The following CACNA2D3 variants were observed in gnomAD, a reference collection of about 807,000 sequenced individuals.
CACNA2D3 encodes the protein calcium voltage-gated channel auxiliary subunit alpha2delta 3.
Under a neutral mutation model 160.6 loss-of-function variants are expected in CACNA2D3, and 60 were observed. That is an observed-to-expected ratio of 0.37 (90% CI 0.30 to 0.46). CACNA2D3 has a LOEUF of 0.46. Among genes scored for constraint, CACNA2D3 ranks in the 20% least tolerant of loss-of-function variants. The probability of loss-of-function intolerance (pLI) is 1.00; values close to 1 mark genes in which losing one functional copy is unlikely to be tolerated. For synonymous variants in CACNA2D3, 558 were observed against 492.9 expected, an observed-to-expected ratio of 1.13 and a Z score of -1.75; for missense variants, 1,205 against 1,365.0, an observed-to-expected ratio of 0.88 and a Z score of 1.85.
At chr3:54,725,923 C>A (rs1009286336) in intron 11 of CACNA2D3, among the ~76,000 whole-genome samples, 1 of 152,022 alleles carries the variant, frequency 6.6e-6, no homozygotes. Context: ...GGCAATCAGG[C>A]AAGGGAAAGA....
At chr3:54,685,548 T>C (rs562522669) in intron 11 of CACNA2D3, among the ~76,000 whole-genome samples, 1 of 152,358 alleles carries the variant, frequency 6.6e-6, no homozygotes, top group East Asian at 1.9e-4. Flanking sequence ...TTACAGTGAC[T>C]AAGAAACAGA....
At chr3:54,357,713 A>T (rs181937773) in intron 3 of CACNA2D3, among the ~76,000 whole-genome samples, 14 of 152,250 alleles carry the variant, frequency 9.2e-5, no homozygotes, top group Non-Finnish European at 1.8e-4. Flanking sequence ...GGTACTGCAG[A>T]CAATGGAATG....
At chr3:54,956,606 C>T (rs760661555) in intron 27 of CACNA2D3, among the ~76,000 whole-genome samples, 6 of 152,062 alleles carry the variant, frequency 3.9e-5, no homozygotes, top group Non-Finnish European at 8.8e-5. Context: ...TCATAAATTC[C>T]TGCTCATCCT....
intron 3 of CACNA2D3, among the ~76,000 whole-genome samples, chr3:54,347,198 A>G (rs1366637964): frequency 6.6e-6 from 1 of 152,114 alleles, no homozygotes. Flanking sequence ...AGATGTTGTT[A>G]TTACCCCTTC....
At chr3:54,458,681 T>G (rs1700442720) in intron 4 of CACNA2D3, among the ~76,000 whole-genome samples, 1 of 152,094 alleles carries the variant, frequency 6.6e-6, no homozygotes, top group African/African-American at 2.4e-5. Flanking sequence ...TGGAGGTTTC[T>G]GAGCTTCCTG....
chr3:54,524,409 T>C (rs1048131077), intron 5 of CACNA2D3, among the ~76,000 whole-genome samples: 1 of 152,162 alleles, frequency 6.6e-6, no homozygotes, highest in African/African-American at 2.4e-5. Context: ...AAGTTTGTTT[T>C]ATGGCTTATC....
At chr3:54,278,429 G>A (rs1371334042) in intron 2 of CACNA2D3, among the ~76,000 whole-genome samples, 1 of 152,184 alleles carries the variant, frequency 6.6e-6, no homozygotes, top group Non-Finnish European at 1.5e-5. Context: ...TCAGTGTGGT[G>A]ATTCCTCAAG....
At chr3:54,276,744 G>GT (rs1702750785) in intron 2 of CACNA2D3, among the ~76,000 whole-genome samples, 1 of 152,024 alleles carries the variant, frequency 6.6e-6, no homozygotes, top group South Asian at 2.1e-4. Context: ...TGGTAAAGAA[G>GT]TTTTTTTCTG....
intron 14 of CACNA2D3, among the ~76,000 whole-genome samples, chr3:54,832,021 ACAC>A (rs1168187736): frequency 3.0e-5 from 4 of 135,298 alleles, no homozygotes; most frequent in African/African-American, 1.3e-4. Context: ...TCACACACAC[ACAC>A]ACACACACAC....
At chr3:54,264,947 G>C (rs1483204741) in intron 2 of CACNA2D3, among the ~76,000 whole-genome samples, 1 of 152,146 alleles carries the variant, frequency 6.6e-6, no homozygotes, top group Non-Finnish European at 1.5e-5. Flanking sequence ...GTATTCCATG[G>C]TGTATATGTG....
intron 11 of CACNA2D3, among the ~76,000 whole-genome samples, chr3:54,651,318 C>T (rs1244888645): frequency 6.6e-6 from 1 of 151,294 alleles, no homozygotes; most frequent in Admixed American, 6.6e-5. Flanking sequence ...GGATGAGGCT[C>T]TCTAGATGTG....
In CACNA2D3 at chr3:54,937,442, T is replaced by C. The variant is rs1056160912; in HGVS notation, c.2450-31008T>C. On this transcript the variant is annotated intron_variant, in intron 27 of 37. Coordinates refer to ENST00000474759, the MANE Select transcript of CACNA2D3 (RefSeq NM_018398.3). ...TGCAACTGGCCCTGTGGAACCCACA[T>C]GTAGGAAAAGTCAACCTTCCAAGTA... 2.5e-4 allele frequency among the ~76,000 whole-genome samples: 38 copies of C among 152,202 alleles called. 2 individuals carry two copies.
intron 27 of CACNA2D3, among the ~76,000 whole-genome samples, chr3:54,900,376 A>AC (rs372486516): frequency 2.6e-5 from 4 of 151,950 alleles, no homozygotes; most frequent in Middle Eastern, 3.2e-3. Context: ...CCAAAATATT[A>AC]TATGACTGAG....
rs550525206 is a variant in CACNA2D3 at position 54,927,580 on chromosome 3, A to G, written c.2449+27712A>G. ...GCTTGCCTCTCTGAGATTGTAGCCA[A>G]TTTGTTCATTCTTTCTTTGGTTCCA... On this transcript the variant is annotated intron_variant, in intron 27 of 37. Transcript: ENST00000474759. Among the ~76,000 whole-genome samples, 4 of 152,268 alleles carry G rather than the reference A, an allele frequency of 2.6e-5. No homozygotes were observed. In the East Asian group the frequency reaches 7.7e-4, roughly 29 times the overall value.
At chr3:54,227,278 G>C (rs1701691212) in intron 2 of CACNA2D3, among the ~76,000 whole-genome samples, 1 of 152,136 alleles carries the variant, frequency 6.6e-6, no homozygotes, top group South Asian at 2.1e-4. Flanking sequence ...CCAGCACCGG[G>C]ATTTTGCTAT....
At chr3:54,721,466 G>A (rs1701167707) in intron 11 of CACNA2D3, among the ~76,000 whole-genome samples, 1 of 152,070 alleles carries the variant, frequency 6.6e-6, no homozygotes. Flanking sequence ...GTTCTTTAAA[G>A]ATATGTTCTG....
chr3:54,859,761 T>C (rs1699245168), intron 17 of CACNA2D3, among the ~76,000 whole-genome samples: 1 of 152,096 alleles, frequency 6.6e-6, no homozygotes, highest in Non-Finnish European at 1.5e-5. Context: ...TTAAATTCCA[T>C]GCTTTTGATG....
intron 29 of CACNA2D3, among the ~76,000 whole-genome samples, chr3:54,970,853 A>C (rs1454574241): frequency 6.6e-6 from 1 of 151,900 alleles, no homozygotes; most frequent in African/African-American, 2.4e-5. Context: ...GTGAAACAGC[A>C]GTCAATATGT....
chr3:54,309,695 C>T (rs1703691718), intron 2 of CACNA2D3, among the ~76,000 whole-genome samples: 1 of 152,128 alleles, frequency 6.6e-6, no homozygotes, highest in Non-Finnish European at 1.5e-5. Flanking sequence ...TGTCAGAAGG[C>T]ACCATGGAAA....
Sources: gnomAD v4.1 joint callset for allele counts (sites outside exome capture counted in the v4.1 genomes callset) on GRCh38, gnomAD v4.1.1 for gene constraint, MANE v1.5 for transcripts, NCBI Gene and HGNC (gene_info 2026-07-23, HGNC 2026-07-21) for gene names.